Variants in FAM135B observed in about 807,000 individuals in gnomAD.
The protein encoded by FAM135B is protein FAM135B.
Under a neutral mutation model 127.7 loss-of-function variants are expected in FAM135B, and 43 were observed. The observed-to-expected ratio is 0.34, with a 90% confidence interval of 0.26 to 0.43. The LOEUF (loss-of-function observed/expected upper bound fraction) is 0.43. Ranked by LOEUF, FAM135B falls within the 20% of genes least tolerant of loss-of-function variation. The pLI is 1.00. For synonymous variants in FAM135B, 670 were observed against 665.1 expected (o/e 1.01, Z -0.11); for missense variants, 1,558 against 1,725.6 (o/e 0.90, Z 1.72).
intron 1 of FAM135B, among the ~76,000 whole-genome samples, chr8:138,431,963 A>G (rs1835211908): frequency 6.6e-6 from 1 of 152,142 alleles, no homozygotes; most frequent in South Asian, 2.1e-4. Flanking sequence ...AAGATAACCA[A>G]CAATACCAGA....
intron 3 of FAM135B, among the ~76,000 whole-genome samples, chr8:138,309,834 T>C (rs1454928435): frequency 1.3e-5 from 2 of 150,018 alleles, no homozygotes; most frequent in African/African-American, 4.9e-5. Context: ...CCCTACCCTC[T>C]ACCCTACTCT....
Position 138,141,119 on chromosome 8 carries a change from G to T in FAM135B, c.3790+79C>A. 7.2e-7 allele frequency: 1 copy of T among 1,384,512 alleles called. No homozygotes were observed. The allele number at this position is 1,384,512 out of a possible 1,614,324, so 85.8% of individuals were successfully genotyped here. ...ACTGCACAGTCACAGGGTTCCAAGT[G>T]GAAGTACCTGTGCCCGGTTTCACGC... On this transcript the variant is annotated intron_variant, in intron 17 of 19. Transcript: ENST00000395297. This position sits in a 1 kb window ranked among gnomAD's most constrained non-coding sequence, Gnocchi z 4.7.
rs1289010085 is a variant in FAM135B, at chr8:138,141,607, G to A, written c.3639-258C>T. 6.6e-6 allele frequency among the ~76,000 whole-genome samples: 1 copy of A among 152,214 alleles called. No individual in the cohort carries two copies. Among genetic ancestry groups the A allele is most frequent in the Non-Finnish European group, 1.5e-5 (1 of 68,038 alleles). ...GTGTGGGCATTTCAGCCAGCTTCAT[G>A]CTGCTAGAGCAGCCTGCTTTAATTC... On this transcript the variant is annotated intron_variant, in intron 16 of 19. Transcript: ENST00000395297. This position sits in a 1 kb window ranked among gnomAD's most constrained non-coding sequence, Gnocchi z 4.7.
intron 2 of FAM135B, among the ~76,000 whole-genome samples, chr8:138,347,795 G>A (rs1369725920): frequency 6.6e-6 from 1 of 152,058 alleles, no homozygotes; most frequent in Admixed American, 6.5e-5. Context: ...CTCACAACGG[G>A]CAGCCAAGCT....
chr8:138,441,578 TC>T (rs1409971879), intron 1 of FAM135B: 4 of 152,234 alleles, frequency 2.6e-5, no homozygotes, highest in Admixed American at 2.0e-4. Context: ...CAATGCTTTC[TC>T]CAGTTAGTAC....
Position 138,262,834 on chromosome 8 carries a change from G to A in FAM135B, c.297+2869C>T, listed in dbSNP as rs185307431. On this transcript the variant is annotated intron_variant, in intron 4 of 19. Transcript: ENST00000395297. ...GGAGAATCACTTGAACCCAAGAGGC[G>A]GAGGTTGCAGTGAGCTGAGATCATG... is the stretch of plus-strand genomic sequence containing the variant. Among the ~76,000 whole-genome samples, 28 of 148,664 alleles carry A rather than the reference G, an allele frequency of 1.9e-4. No homozygotes were observed. The East Asian group carries it at 2.6e-3, about 14-fold the overall frequency.
intron 7 of FAM135B, among the ~76,000 whole-genome samples, chr8:138,236,973 A>G (rs1229389886): frequency 6.6e-6 from 1 of 152,228 alleles, no homozygotes; most frequent in Middle Eastern, 3.4e-3. Flanking sequence ...CCTCTGCCCA[A>G]GGAAATGGAG....
At position 138,132,529 on chromosome 8, in the gene FAM135B, C is replaced by T. The variant is rs2130478494; in HGVS notation, c.*64G>A. On this transcript the variant is annotated 3_prime_UTR_variant, in exon 20 of 20. Coordinates refer to ENST00000395297, the MANE Select transcript of FAM135B (RefSeq NM_015912.4). This position sits in a 1 kb window ranked among gnomAD's most constrained non-coding sequence, Gnocchi z 4.5. ...TCTGAAATGGTGAGGTCTGTAAAAG[C>T]AGGTCTCAGCTAAAGCTCTCCACCG... The T allele has an allele frequency of 7.3e-7, 1 of 1,363,456 alleles. No homozygotes were observed. The highest frequency in any genetic ancestry group is 1.2e-5 in the South Asian group (1 of 84,704). The allele number at this position is 1,363,456 out of a possible 1,614,324, so 84.5% of individuals were successfully genotyped here.
chr8:138,245,475 A>G (rs1205734371), intron 6 of FAM135B, among the ~76,000 whole-genome samples: 1 of 152,048 alleles, frequency 6.6e-6, no homozygotes, highest in African/African-American at 2.4e-5. Flanking sequence ...ATGGTTTTAT[A>G]AGGGGCTTTC....
rs2131217916 is a variant in FAM135B at position 138,367,995 on chromosome 8, C to T, written c.-12G>A. The T allele has an allele frequency of 2.5e-6, 4 of 1,611,268 alleles. No individual in the cohort carries two copies. The highest frequency in any genetic ancestry group is 3.3e-4 in the Middle Eastern group (2 of 6,058). On this transcript the variant is annotated 5_prime_UTR_variant, in exon 2 of 20. Coordinates refer to ENST00000395297, the MANE Select transcript of FAM135B (RefSeq NM_015912.4). ...TGTATTTCAGACATGATCTTTTTGG[C>T]TCATTACCTGAAAAACAAGAGAGAA... is the stretch of plus-strand genomic sequence containing the variant.
chr8:138,218,949 C>T (rs1197023250), intron 7 of FAM135B, among the ~76,000 whole-genome samples: 1 of 152,204 alleles, frequency 6.6e-6, no homozygotes, highest in Admixed American at 6.5e-5. Context: ...AAAACTATTT[C>T]TAAAATTCCA....
At chr8:138,418,495 C>T (rs748100075) in intron 1 of FAM135B, among the ~76,000 whole-genome samples, 4 of 151,312 alleles carry the variant, frequency 2.6e-5, no homozygotes, top group Non-Finnish European at 5.9e-5. Flanking sequence ...GACACATAGT[C>T]ATCAGATTCT....
intron 2 of FAM135B, among the ~76,000 whole-genome samples, chr8:138,357,830 G>A (rs77280383): frequency 0.03 from 4,564 of 152,094 alleles, 147 homozygotes; most frequent in East Asian, 0.17. Context: ...CTTTAGAAAC[G>A]TGGCATTTTC....
At position 138,141,288 on chromosome 8, in the gene FAM135B, G is replaced by A. The variant is rs757525959; in HGVS notation, c.3700C>T (p.Arg1234Trp). ...IRSVLTRPRF[R>W]YYLNKLHTFL... ...GTGTGGAGTTTGTTGAGGTAATACCGGAACCGGGGCCGTGTGAGGACCGAT... is the reference window on the plus strand; with the variant it reads ...GTGTGGAGTTTGTTGAGGTAATACCAGAACCGGGGCCGTGTGAGGACCGAT... Residue 1234 changes from arginine (R) to tryptophan (W), a missense_variant, in exon 17 of 20, where the codon CGG becomes TGG. Arg to Trp is a moderately radical substitution (Grantham distance 101). Around this residue, in one of 5 missense-constraint regions of FAM135B, gnomAD observed 194 missense variants for 333.8 expected, o/e 0.58. Transcript: ENST00000395297. The surrounding 1 kb of genome is among the most constrained non-coding windows in gnomAD (Gnocchi z 4.7). The A allele has an allele frequency of 4.3e-6, 7 of 1,614,016 alleles. No homozygotes were observed. Among genetic ancestry groups the A allele is most frequent in the African/African-American group, 1.3e-5 (1 of 74,900 alleles).
At chr8:138,231,652 G>C (rs116836302) in intron 7 of FAM135B, among the ~76,000 whole-genome samples, 2,297 of 152,216 alleles carry the variant, frequency 0.015, 61 homozygotes, top group African/African-American at 0.053. Context: ...GACAAGTGTT[G>C]GACACAGTCA....
chr8:138,202,210 G>A (rs1472313435), intron 7 of FAM135B, among the ~76,000 whole-genome samples: 1 of 151,074 alleles, frequency 6.6e-6, no homozygotes, highest in African/African-American at 2.4e-5. Context: ...GGTTAAATAT[G>A]GAGTCTGCAA....
intron 9 of FAM135B, among the ~76,000 whole-genome samples, chr8:138,183,188 A>G (rs1815243139): frequency 2.0e-5 from 3 of 152,248 alleles, no homozygotes; most frequent in African/African-American, 7.2e-5. Flanking sequence ...CTGTGTGCCA[A>G]GAGCTTTGCA....
chr8:138,393,885 C>T (rs1040734757), intron 1 of FAM135B, among the ~76,000 whole-genome samples: 2 of 152,172 alleles, frequency 1.3e-5, no homozygotes, highest in East Asian at 3.9e-4. Context: ...ATATCTGGAA[C>T]CCAGGCCTTC....
chr8:138,132,532 G>T lies in FAM135B; in HGVS notation c.*61C>A, dbSNP rs994789714. ...GAAATGGTGAGGTCTGTAAAAGCAG[G>T]TCTCAGCTAAAGCTCTCCACCGATC... On this transcript the variant is annotated 3_prime_UTR_variant, in exon 20 of 20. Coordinates refer to ENST00000395297, the MANE Select transcript of FAM135B (RefSeq NM_015912.4). This position sits in a 1 kb window ranked among gnomAD's most constrained non-coding sequence, Gnocchi z 4.5. 49 of 1,394,624 alleles carry T rather than the reference G, an allele frequency of 3.5e-5. No homozygotes were observed. The highest frequency in any genetic ancestry group is 4.8e-5 in the Non-Finnish European group (47 of 986,630). The allele number at this position is 1,394,624 out of a possible 1,614,324, so 86.4% of individuals were successfully genotyped here.
Sources: gnomAD v4.1 joint callset for allele counts (sites outside exome capture counted in the v4.1 genomes callset) on GRCh38, gnomAD v4.1.1 for gene constraint, gnomAD v4.1.1 regional missense constraint, Gnocchi (gnomAD v3.1) non-coding constraint, MANE v1.5 for transcripts, NCBI Gene and HGNC (gene_info 2026-07-23, HGNC 2026-07-21) for gene names.